FRMD5: variants seen among roughly 807,000 people sequenced by gnomAD.
The protein encoded by FRMD5 is FERM domain containing 5, also known as FERM domain-containing protein 5.
Under a neutral mutation model 69.0 loss-of-function variants are expected in FRMD5, and 20 were observed. The ratio of observed to expected loss-of-function variants is 0.29; its 90% CI spans 0.20 to 0.42. FRMD5 has a LOEUF of 0.42. Ranked by LOEUF, FRMD5 falls within the 10% of genes least tolerant of loss-of-function variation. FRMD5 has a pLI of 1.00. For synonymous variants in FRMD5, 271 were observed against 260.1 expected (o/e 1.04, Z -0.40); for missense variants, 595 against 708.6 (o/e 0.84, Z 1.82).
intron 1 of FRMD5, among the ~76,000 whole-genome samples, chr15:44,008,649 C>T (rs969944860): frequency 6.6e-6 from 1 of 152,094 alleles, no homozygotes; most frequent in Non-Finnish European, 1.5e-5. Context: ...GAAGCTAATA[C>T]TTGCATCAGA....
intron 7 of FRMD5, among the ~76,000 whole-genome samples, chr15:43,896,867 T>C (rs1440469961): frequency 6.6e-6 from 1 of 152,182 alleles, no homozygotes; most frequent in Admixed American, 6.5e-5. Flanking sequence ...CTGTACCAGA[T>C]ACGCCCATTT....
chr15:43,901,833 G>A (rs1400386395), intron 7 of FRMD5: 1 of 268,034 alleles, frequency 3.7e-6, no homozygotes, highest in East Asian at 9.7e-5. Flanking sequence ...GGTCAGGAAA[G>A]GGTGGGCAGG....
intron 1 of FRMD5, among the ~76,000 whole-genome samples, chr15:43,952,511 T>C (rs758457908): frequency 2.0e-5 from 3 of 152,194 alleles, no homozygotes; most frequent in Non-Finnish European, 2.9e-5. Flanking sequence ...TCTCTTTCCA[T>C]GCGCTGCTGC....
chr15:44,145,631 C>T (rs2077344294), intron 1 of FRMD5, among the ~76,000 whole-genome samples: 1 of 152,124 alleles, frequency 6.6e-6, no homozygotes, highest in Non-Finnish European at 1.5e-5. Context: ...TCTAAGAAAC[C>T]TAACCTTAGA....
At chr15:44,166,926 T>C (rs1278342742) in intron 1 of FRMD5, among the ~76,000 whole-genome samples, 2 of 152,214 alleles carry the variant, frequency 1.3e-5, no homozygotes, top group African/African-American at 4.8e-5. Flanking sequence ...AGTTTGTTTT[T>C]ATCTAGTCAG....
At chr15:43,886,502 T>A (rs926691269) in intron 10 of FRMD5, among the ~76,000 whole-genome samples, 1 of 152,188 alleles carries the variant, frequency 6.6e-6, no homozygotes, top group Non-Finnish European at 1.5e-5. Context: ...ACTGAGCCCA[T>A]TAGCTCTCTC....
intron 1 of FRMD5, among the ~76,000 whole-genome samples, chr15:44,044,528 T>C (rs1446861622): frequency 6.6e-6 from 1 of 152,108 alleles, no homozygotes. Context: ...TGTCCATCAA[T>C]GATAGACTGG....
At chr15:43,942,806 C>T (rs1303538324) in intron 1 of FRMD5, among the ~76,000 whole-genome samples, 2 of 152,204 alleles carry the variant, frequency 1.3e-5, no homozygotes, top group Admixed American at 1.3e-4. Context: ...GTCACCCAGG[C>T]TGCAGTGCAG....
At chr15:43,962,174 A>C (rs2140544540) in intron 1 of FRMD5, among the ~76,000 whole-genome samples, 1 of 152,294 alleles carries the variant, frequency 6.6e-6, no homozygotes, top group Admixed American at 6.5e-5. Flanking sequence ...TCAGCCCAAA[A>C]TCTCCTTAAG....
chr15:44,161,283 C>T (rs1253092241), intron 1 of FRMD5, among the ~76,000 whole-genome samples: 1 of 152,200 alleles, frequency 6.6e-6, no homozygotes, highest in African/African-American at 2.4e-5. Flanking sequence ...TCTTCTCTAA[C>T]CATGCTCATC....
At chr15:43,878,455 C>A (rs1165946556) in intron 13 of FRMD5, among the ~76,000 whole-genome samples, 1 of 152,174 alleles carries the variant, frequency 6.6e-6, no homozygotes, top group Non-Finnish European at 1.5e-5. Context: ...TTTGAAATAA[C>A]CTGAAATTAA....
chr15:43,994,585 C>A (rs563760642), intron 1 of FRMD5, among the ~76,000 whole-genome samples: 1 of 151,964 alleles, frequency 6.6e-6, no homozygotes, highest in African/African-American at 2.4e-5. Flanking sequence ...CACATGCCAC[C>A]ACACCCAGCT....
At chr15:44,033,273 A>G (rs1183328362) in intron 1 of FRMD5, among the ~76,000 whole-genome samples, 2 of 152,206 alleles carry the variant, frequency 1.3e-5, no homozygotes, top group East Asian at 3.8e-4. Flanking sequence ...AAGGAGCAGA[A>G]AAGATAACTA....
chr15:44,039,409 C>A (rs1162713512), intron 1 of FRMD5, among the ~76,000 whole-genome samples: 1 of 152,216 alleles, frequency 6.6e-6, no homozygotes, highest in African/African-American at 2.4e-5. Flanking sequence ...CAACAGACAT[C>A]TCATATAGGA....
chr15:43,986,336 AC>A (rs145584600), intron 1 of FRMD5, among the ~76,000 whole-genome samples: 1,896 of 152,352 alleles, frequency 0.012, 37 homozygotes, highest in African/African-American at 0.043. Flanking sequence ...CAGCAAAGTA[AC>A]AAAAAGTGGT....
At chr15:44,194,401 G>C (rs966001000) in intron 1 of FRMD5, 1 of 164,866 alleles carries the variant, frequency 6.1e-6, no homozygotes, top group African/African-American at 2.4e-5. Flanking sequence ...CAGAGGACTG[G>C]GCTTCCTTCA....
Position 44,194,946 on chromosome 15 carries a change from C to T in FRMD5, c.102+7G>A, listed in dbSNP as rs1287945769. ...CCGCGGGCGGGGCGGGGCGGCGCGG[C>T]GCTGACCTGGATGGTGCAGGTGTAC... is the stretch of plus-strand genomic sequence containing the variant. On this transcript the variant is annotated splice_region_variant and intron_variant, in intron 1 of 13. Transcript: ENST00000417257. 1.3e-6 allele frequency: 2 copies of T among 1,519,540 alleles called. No homozygotes were observed. The highest frequency in any genetic ancestry group is 2.0e-5 in the Admixed American group (1 of 49,078). 94.1% of individuals were successfully genotyped at this position (1,519,540 alleles called of 1,614,324 possible). A position where few individuals can be genotyped will look rare whatever the true frequency, so the allele number is the denominator to read the frequency against.
intron 1 of FRMD5, among the ~76,000 whole-genome samples, chr15:44,014,685 C>T (rs1004006087): frequency 6.6e-6 from 1 of 151,860 alleles, no homozygotes; most frequent in African/African-American, 2.4e-5. Context: ...TGCCTTGAGC[C>T]AAGATTGCGC....
chr15:44,115,965 T>A (rs2076862187), intron 1 of FRMD5, among the ~76,000 whole-genome samples: 1 of 152,170 alleles, frequency 6.6e-6, no homozygotes, highest in African/African-American at 2.4e-5. Context: ...AGCAGCTGAC[T>A]GATCAAAGCA....
Sources: gnomAD v4.1 joint callset for allele counts (sites outside exome capture counted in the v4.1 genomes callset) on GRCh38, gnomAD v4.1.1 for gene constraint, MANE v1.5 for transcripts, NCBI Gene and HGNC (gene_info 2026-07-23, HGNC 2026-07-21) for gene names.